The following COA8 variants were observed in gnomAD, a reference collection of about 807,000 sequenced individuals.
COA8 encodes UPF0671 protein C14orf153.
In COA8, 20 loss-of-function variants were observed where a neutral mutation model predicts 22.0. The ratio of observed to expected loss-of-function variants is 0.91; its 90% CI spans 0.64 to 1.32. COA8 has a LOEUF of 1.32. Among genes scored for constraint, COA8 ranks in the 40% most tolerant of loss-of-function variants. COA8 has a pLI of 0.00. For missense variants in COA8, 266 were observed against 230.0 expected (o/e 1.16, Z -1.01); for synonymous variants, 105 against 79.9 (o/e 1.31, Z -1.68).
intron 3 of COA8, among the ~76,000 whole-genome samples, chr14:103,585,888 TG>T (rs1238548769): frequency 6.6e-6 from 1 of 150,468 alleles, no homozygotes; most frequent in African/African-American, 2.4e-5. Context: ...CCTTTTTTGT[TG>T]TTTTTTGTTT....
chr14:103,588,484 T>A (rs187706327), intron 4 of COA8, among the ~76,000 whole-genome samples: 13,980 of 150,092 alleles, frequency 0.093, 711 homozygotes, highest in Non-Finnish European at 0.12. Context: ...TAAAAAAATA[T>A]ATATATATAT....
chr14:103,563,212 C>G, intron 1 of COA8, 88 bp downstream of exon 1: 1 of 1,481,500 alleles, frequency 6.7e-7, no homozygotes, highest in Non-Finnish European at 9.1e-7. Flanking sequence ...CTGTTCTGCA[C>G]AGCCGCCTCA....
At chr14:103,564,637 T>TGGCGTGATCTCAGC (rs1280823521) in intron 1 of COA8, among the ~76,000 whole-genome samples, 1 of 139,960 alleles carries the variant, frequency 7.1e-6, no homozygotes, top group African/African-American at 2.7e-5. Flanking sequence ...GGGAGTACAG[T>TGGCGTGATCTCAGC]GGCGTGATCT....
intron 1 of COA8, among the ~76,000 whole-genome samples, chr14:103,569,038 G>A (rs2076160374): frequency 6.6e-6 from 1 of 152,176 alleles, no homozygotes; most frequent in South Asian, 2.1e-4. Flanking sequence ...TGTGACAAGG[G>A]CAGAACTGAG....
At chr14:103,563,583 A>G (rs1054174315) in intron 1 of COA8, among the ~76,000 whole-genome samples, 7 of 152,168 alleles carry the variant, frequency 4.6e-5, no homozygotes, top group African/African-American at 1.4e-4. Flanking sequence ...TTTGCAAACT[A>G]TGTGTGGGTA....
At chr14:103,573,816 G>A (rs1441977090) in intron 2 of COA8, among the ~76,000 whole-genome samples, 1 of 152,206 alleles carries the variant, frequency 6.6e-6, no homozygotes, top group Non-Finnish European at 1.5e-5. Flanking sequence ...TCCTCCCAAA[G>A]TGCTGGCATT....
chr14:103,563,284 C>T (rs2142268987), intron 1 of COA8, 160 bp downstream of exon 1: 2 of 968,740 alleles, frequency 2.1e-6, no homozygotes, highest in African/African-American at 1.6e-5. Flanking sequence ...GAGGCTCCCG[C>T]ATCAACGCCC....
rs2076344633 is a variant in COA8, at chr14:103,590,573, A to AGG, written c.*287_*288insGG. On this transcript the variant is annotated 3_prime_UTR_variant, in exon 5 of 5. Coordinates refer to ENST00000409074, the MANE Select transcript of COA8 (RefSeq NM_001370595.2). ...AATTATACCAATTCAAAACAGAACT[A>AGG]TTTAAAAATATTGGCCAGGCACGGT... is the stretch of plus-strand genomic sequence containing the variant. 1 of 275,436 alleles carries AGG rather than the reference A, an allele frequency of 3.6e-6. No individual in the cohort carries two copies. Among genetic ancestry groups the AGG allele is most frequent in the African/African-American group, 2.3e-5 (1 of 44,428 alleles). 17.1% of individuals were successfully genotyped at this position (275,436 alleles called of 1,614,324 possible). A position where few individuals can be genotyped will look rare whatever the true frequency, so the allele number is the denominator to read the frequency against.
intron 1 of COA8, among the ~76,000 whole-genome samples, chr14:103,565,524 A>C (rs2076129471): frequency 6.6e-6 from 1 of 151,760 alleles, no homozygotes; most frequent in South Asian, 2.1e-4. Flanking sequence ...TTTAATCCGG[A>C]AGTTCCTGAA....
At chr14:103,589,890 G>A (rs1479279853) in intron 4 of COA8, among the ~76,000 whole-genome samples, 1 of 152,026 alleles carries the variant, frequency 6.6e-6, no homozygotes, top group Non-Finnish European at 1.5e-5. Flanking sequence ...CTCCAGCCTG[G>A]GCGACAGACC....
chr14:103,563,591 G>A (rs556063605), intron 1 of COA8, among the ~76,000 whole-genome samples: 3 of 152,258 alleles, frequency 2.0e-5, no homozygotes, highest in East Asian at 3.9e-4. Flanking sequence ...CTATGTGTGG[G>A]TATATGCATG....
intron 1 of COA8, among the ~76,000 whole-genome samples, chr14:103,567,920 CTG>C (rs1477938307): frequency 6.6e-6 from 1 of 152,122 alleles, no homozygotes; most frequent in African/African-American, 2.4e-5. Flanking sequence ...AATTAGGAGA[CTG>C]TTTTCATTGA....
chr14:103,582,595 G>A, intron 3 of COA8, among the ~76,000 whole-genome samples: 1 of 152,158 alleles, frequency 6.6e-6, no homozygotes, highest in Non-Finnish European at 1.5e-5. Flanking sequence ...TTCCTCCGCA[G>A]AACCTGCAGG....
intron 3 of COA8, among the ~76,000 whole-genome samples, chr14:103,576,482 G>A (rs2076231559): frequency 6.6e-6 from 1 of 152,186 alleles, no homozygotes; most frequent in Non-Finnish European, 1.5e-5. Context: ...GAAAACGTCT[G>A]TGTTAAGACT....
At chr14:103,589,186 C>T (rs534301487) in intron 4 of COA8, among the ~76,000 whole-genome samples, 10 of 152,320 alleles carry the variant, frequency 6.6e-5, no homozygotes, top group African/African-American at 2.4e-4. Context: ...CTTGCTTTTA[C>T]ATGTCATAGA....
At chr14:103,582,475 G>A (rs371440718) in intron 3 of COA8, among the ~76,000 whole-genome samples, 1 of 152,210 alleles carries the variant, frequency 6.6e-6, no homozygotes, top group Non-Finnish European at 1.5e-5. Flanking sequence ...CCACCAGCAC[G>A]CGGGGCTGGA....
intron 3 of COA8, among the ~76,000 whole-genome samples, chr14:103,584,530 C>G (rs571004534): frequency 6.6e-6 from 1 of 152,248 alleles, no homozygotes; most frequent in Non-Finnish European, 1.5e-5. Context: ...GACCAAATAC[C>G]TCTCTATAAT....
At chr14:103,576,296 ACT>A (rs1403074416) in intron 3 of COA8, among the ~76,000 whole-genome samples, 3 of 151,860 alleles carry the variant, frequency 2.0e-5, no homozygotes, top group South Asian at 4.1e-4. Flanking sequence ...ACAGAGCGAG[ACT>A]CTGTCTCAAA....
chr14:103,589,651 C>T (rs1394032924), intron 4 of COA8, among the ~76,000 whole-genome samples: 2 of 151,816 alleles, frequency 1.3e-5, no homozygotes, highest in Non-Finnish European at 2.9e-5. Flanking sequence ...TGCGGTGGCT[C>T]ACACCTGTAA....
Sources: gnomAD v4.1 joint callset for allele counts (sites outside exome capture counted in the v4.1 genomes callset) on GRCh38, gnomAD v4.1.1 for gene constraint, MANE v1.5 for transcripts, NCBI Gene and HGNC (gene_info 2026-07-23, HGNC 2026-07-21) for gene names.